BCL2: variants seen among roughly 807,000 people sequenced by gnomAD.
BCL2 encodes BCL2 apoptosis regulator.
In BCL2, 1 loss-of-function variant was observed where a neutral mutation model predicts 14.2. That is an observed-to-expected ratio of 0.07 (90% CI 0.02 to 0.33). The LOEUF (loss-of-function observed/expected upper bound fraction) is 0.33. Ranked by LOEUF, BCL2 falls within the 10% of genes least tolerant of loss-of-function variation. The probability of loss-of-function intolerance (pLI) is 0.99; values close to 1 mark genes in which losing one functional copy is unlikely to be tolerated. For synonymous variants in BCL2, 151 were observed against 137.2 expected, an observed-to-expected ratio of 1.10 and a Z score of -0.70; for missense variants, 247 against 305.9, an observed-to-expected ratio of 0.81 and a Z score of 1.44.
chr18:63,181,955 G>T (rs1915488965), intron 2 of BCL2, among the ~76,000 whole-genome samples: 1 of 152,136 alleles, frequency 6.6e-6, no homozygotes, highest in South Asian at 2.1e-4. Flanking sequence ...CCTTTTGCTG[G>T]GGATCTCCAG....
intron 2 of BCL2, among the ~76,000 whole-genome samples, chr18:63,256,320 G>A (rs1448092357): frequency 4.6e-5 from 7 of 152,170 alleles, no homozygotes; most frequent in African/African-American, 1.2e-4. Context: ...AGGTTCAAGC[G>A]ATTCTTCTGC....
At chr18:63,212,315 G>A (rs1467797506) in intron 2 of BCL2, among the ~76,000 whole-genome samples, 5 of 151,502 alleles carry the variant, frequency 3.3e-5, no homozygotes, top group Non-Finnish European at 7.4e-5. Flanking sequence ...GCGACAGAGC[G>A]AGACTCTGTC....
intron 2 of BCL2, among the ~76,000 whole-genome samples, chr18:63,265,023 G>A (rs1214190964): frequency 8.4e-6 from 1 of 118,716 alleles, no homozygotes; most frequent in Admixed American, 8.5e-5. Flanking sequence ...GTCCTCAAGG[G>A]ACTGGGAGAA....
At chr18:63,269,972 T>A (rs1696013493) in intron 2 of BCL2, among the ~76,000 whole-genome samples, 1 of 152,198 alleles carries the variant, frequency 6.6e-6, no homozygotes, top group Non-Finnish European at 1.5e-5. Flanking sequence ...ACCTTTGAAA[T>A]GTATATATAT....
intron 2 of BCL2, among the ~76,000 whole-genome samples, chr18:63,312,011 T>C (rs1293396874): frequency 6.6e-6 from 1 of 152,256 alleles, no homozygotes; most frequent in African/African-American, 2.4e-5. Context: ...GCAGATACTA[T>C]CTTTTCTCTG....
At chr18:63,254,452 A>T (rs918697406) in intron 2 of BCL2, among the ~76,000 whole-genome samples, 1 of 125,390 alleles carries the variant, frequency 8.0e-6, no homozygotes, top group Non-Finnish European at 1.6e-5. Flanking sequence ...GCTACTTGGG[A>T]GGCTGAGGTG....
intron 2 of BCL2, among the ~76,000 whole-genome samples, chr18:63,139,265 A>C (rs547382513): frequency 1.7e-4 from 26 of 152,378 alleles, no homozygotes; most frequent in Non-Finnish European, 3.2e-4. Context: ...TAGGTGGAGA[A>C]ATGCATTTAT....
chr18:63,242,073 A>C (rs1911020066), intron 2 of BCL2, among the ~76,000 whole-genome samples: 1 of 151,712 alleles, frequency 6.6e-6, no homozygotes, highest in South Asian at 2.1e-4. Flanking sequence ...TGCGTCAGCT[A>C]TCCACAGGTT....
intron 2 of BCL2, among the ~76,000 whole-genome samples, chr18:63,271,982 A>T (rs1912015306): frequency 6.6e-6 from 1 of 152,218 alleles, no homozygotes; most frequent in African/African-American, 2.4e-5. Flanking sequence ...AACTGGAGCT[A>T]AAGTCATGGG....
chr18:63,132,693 G>A (rs1914099941), intron 2 of BCL2, among the ~76,000 whole-genome samples: 1 of 152,172 alleles, frequency 6.6e-6, no homozygotes, highest in African/African-American at 2.4e-5. Context: ...AAAATGACCT[G>A]AAAGCTTCTT....
In BCL2 at chr18:63,206,064, C is replaced by A. The variant is rs554437531; in HGVS notation, c.586-77305G>T. ...CTCTCCCTCTTCTGAGAGTTCTTGT[C>A]TCCATGTCTGATCCCTGTGAAAGTG... On this transcript the variant is annotated intron_variant, in intron 2 of 2. Transcript: ENST00000333681. Among the ~76,000 whole-genome samples the A allele has an allele frequency of 3.5e-4, 53 of 152,300 alleles. 2 individuals are homozygous for A. The South Asian group carries it at 0.011, about 30-fold the overall frequency.
At chr18:63,215,691 T>C (rs1005460588) in intron 2 of BCL2, among the ~76,000 whole-genome samples, 6 of 152,136 alleles carry the variant, frequency 3.9e-5, no homozygotes, top group Non-Finnish European at 8.8e-5. Context: ...AAAGCAAGTG[T>C]CCATGATAAG....
chr18:63,210,173 G>A (rs755864774), intron 2 of BCL2, among the ~76,000 whole-genome samples: 15 of 152,122 alleles, frequency 9.9e-5, no homozygotes, highest in Non-Finnish European at 1.3e-4. Context: ...CTAGGACTTC[G>A]GGGTCCTAAG....
Position 63,169,390 on chromosome 18 carries a change from TTTC to T in BCL2, c.586-40634_586-40632del, listed in dbSNP as rs1915164985. ...CTTTCTCTTTCTTTCTTTCTTTCTT[TTTC>T]TTTCTTTCTTTTTCTTTCTCTCTCT... On this transcript the variant is annotated intron_variant, in intron 2 of 2. Transcript: ENST00000333681. Among the ~76,000 whole-genome samples the T allele has an allele frequency of 7.1e-5, 5 of 70,362 alleles. 1 individual carries two copies. The highest frequency in any genetic ancestry group is 5.4e-4 in the African/African-American group (4 of 7,382). 46.2% of individuals were successfully genotyped at this position (70,362 alleles called of 152,430 possible).
At chr18:63,227,768 A>AT (rs1458664335) in intron 2 of BCL2, among the ~76,000 whole-genome samples, 1 of 152,216 alleles carries the variant, frequency 6.6e-6, no homozygotes, top group Non-Finnish European at 1.5e-5. Flanking sequence ...CTCAGATTGG[A>AT]TTTTTTAAAA....
intron 2 of BCL2, among the ~76,000 whole-genome samples, chr18:63,193,671 C>T (rs1909358495): frequency 6.6e-6 from 1 of 151,658 alleles, no homozygotes; most frequent in Admixed American, 6.6e-5. Flanking sequence ...TATATATACA[C>T]ACACACACAC....
At chr18:63,242,505 T>C (rs1050333481) in intron 2 of BCL2, among the ~76,000 whole-genome samples, 4 of 152,238 alleles carry the variant, frequency 2.6e-5, no homozygotes, top group African/African-American at 9.6e-5. Flanking sequence ...GAGCATTCCA[T>C]GGGGAGAGCA....
Position 63,124,623 on chromosome 18 carries a change from T to A in BCL2, c.*4002A>T, listed in dbSNP as rs1913862618. On this transcript the variant is annotated 3_prime_UTR_variant, in exon 3 of 3. Coordinates refer to ENST00000333681, the MANE Select transcript of BCL2 (RefSeq NM_000633.3). ...CTCCCTCCCACCCCTCCAACAAATG[T>A]CCTTTGTCCCATAATAATTTAAAAA... 1 of 221,782 alleles carries A rather than the reference T, an allele frequency of 4.5e-6. No individual in the cohort carries two copies. Among genetic ancestry groups the A allele is most frequent in the African/African-American group, 2.3e-5 (1 of 43,834 alleles). 13.7% of individuals were successfully genotyped at this position (221,782 alleles called of 1,614,324 possible).
intron 2 of BCL2, among the ~76,000 whole-genome samples, chr18:63,211,596 T>C (rs1299739862): frequency 6.6e-6 from 1 of 152,268 alleles, no homozygotes; most frequent in Non-Finnish European, 1.5e-5. Context: ...GTCTGCATTT[T>C]ATTTTGGTGC....
Sources: allele counts gnomAD v4.1 joint callset (sites outside exome capture counted in the v4.1 genomes callset), GRCh38; gene constraint gnomAD v4.1.1; transcripts MANE v1.5; gene names NCBI Gene and HGNC (gene_info 2026-07-23, HGNC 2026-07-21).